Variants in RAB38 observed in about 807,000 individuals in gnomAD.
The protein encoded by RAB38 is ras-related protein Rab-38.
Under a neutral mutation model 18.4 loss-of-function variants are expected in RAB38, and 15 were observed. That is an observed-to-expected ratio of 0.82 (90% CI 0.55 to 1.26). The LOEUF (loss-of-function observed/expected upper bound fraction) is 1.26. Ranked by LOEUF, RAB38 falls within the 50% of genes most tolerant of loss-of-function variation. The pLI is 0.00. For missense variants in RAB38, 294 were observed against 267.4 expected, an observed-to-expected ratio of 1.10 and a Z score of -0.69; for synonymous variants, 101 against 104.4, an observed-to-expected ratio of 0.97 and a Z score of 0.20.
chr11:88,023,727 C>A, the RAB38 span, among the ~76,000 whole-genome samples: 5 of 152,008 alleles, frequency 3.3e-5, no homozygotes, highest in African/African-American at 1.2e-4. Flanking sequence ...ATAGAGAACC[C>A]AGAAACAAAT....
chr11:88,004,328 A>G, the RAB38 span, among the ~76,000 whole-genome samples: 11 of 151,150 alleles, frequency 7.3e-5, no homozygotes, highest in Non-Finnish European at 1.6e-4. Context: ...CAAGTTTGAT[A>G]TAACTTTTGG....
chr11:88,150,313 C>A (rs1179021507), intron 1 of RAB38, among the ~76,000 whole-genome samples: 1 of 152,174 alleles, frequency 6.6e-6, no homozygotes, highest in Admixed American at 6.6e-5. Context: ...AGCTACATTT[C>A]AAGTGTTCAG....
downstream of RAB38, among the ~76,000 whole-genome samples, chr11:88,110,501 TCCC>T (rs1362369966): frequency 6.6e-6 from 1 of 151,918 alleles, no homozygotes; most frequent in Non-Finnish European, 1.5e-5. Context: ...TGCATATGTA[TCCC>T]AGAACCTAAA....
the RAB38 span, among the ~76,000 whole-genome samples, chr11:87,908,578 C>T: frequency 6.6e-6 from 1 of 151,984 alleles, no homozygotes; most frequent in Non-Finnish European, 1.5e-5. Context: ...AGTGGTAGAA[C>T]TTCATTGTTC....
At chr11:87,977,990 ATAAAC>A in the RAB38 span, among the ~76,000 whole-genome samples, 1 of 104,648 alleles carries the variant, frequency 9.6e-6, no homozygotes, top group East Asian at 2.7e-4. Flanking sequence ...TACATATCTT[ATAAAC>A]TATTATTTTA....
the RAB38 span, among the ~76,000 whole-genome samples, chr11:87,887,428 G>A: frequency 7.7e-6 from 1 of 129,218 alleles, no homozygotes; most frequent in East Asian, 2.2e-4. Context: ...CTGGATCTCT[G>A]GTGTGAAGTG....
the RAB38 span, among the ~76,000 whole-genome samples, chr11:87,874,392 A>G: frequency 1.3e-5 from 2 of 151,570 alleles, no homozygotes; most frequent in Admixed American, 1.3e-4. Context: ...CAGTATCAAG[A>G]AAACAAATAA....
At chr11:88,096,818 GA>G in the RAB38 span, among the ~76,000 whole-genome samples, 4 of 151,316 alleles carry the variant, frequency 2.6e-5, no homozygotes, top group Non-Finnish European at 4.4e-5. Context: ...AAAAATAAAA[GA>G]AAAAATATAA....
At chr11:88,020,990 A>G in the RAB38 span, among the ~76,000 whole-genome samples, 1 of 152,130 alleles carries the variant, frequency 6.6e-6, no homozygotes. Context: ...TGCCTACATC[A>G]AAAAAGAGGA....
chr11:87,955,496 A>G, the RAB38 span, among the ~76,000 whole-genome samples: 49 of 152,166 alleles, frequency 3.2e-4, no homozygotes, highest in Non-Finnish European at 6.3e-4. Flanking sequence ...GTACTTCCTG[A>G]ATCTAAAATA....
the RAB38 span, among the ~76,000 whole-genome samples, chr11:88,105,662 C>T: frequency 1.3e-5 from 2 of 152,132 alleles, no homozygotes; most frequent in African/African-American, 4.8e-5. Context: ...CCATTTCCTA[C>T]AAGCCCCTTT....
chr11:88,147,570 TAA>T (rs397938499), intron 2 of RAB38, among the ~76,000 whole-genome samples: 8 of 128,404 alleles, frequency 6.2e-5, no homozygotes, highest in Admixed American at 7.8e-5. Flanking sequence ...ATTTTGGAAT[TAA>T]AAAAAAAAAA....
At chr11:87,941,161 C>T in the RAB38 span, among the ~76,000 whole-genome samples, 1 of 137,162 alleles carries the variant, frequency 7.3e-6, no homozygotes, top group East Asian at 2.2e-4. Flanking sequence ...TACCAACACT[C>T]TTTATCGTAT....
chr11:88,034,975 C>G, the RAB38 span, among the ~76,000 whole-genome samples: 1 of 152,176 alleles, frequency 6.6e-6, no homozygotes, highest in Non-Finnish European at 1.5e-5. Context: ...CATATGAGAG[C>G]TCCTTGACAA....
chr11:88,075,985 G>GAATGA, the RAB38 span, among the ~76,000 whole-genome samples: 5 of 149,486 alleles, frequency 3.3e-5, no homozygotes, highest in African/African-American at 1.2e-4. Context: ...ACAGTAGAAG[G>GAATGA]AATGAAATAG....
the RAB38 span, among the ~76,000 whole-genome samples, chr11:87,862,295 GT>G: frequency 1.3e-5 from 2 of 152,086 alleles, no homozygotes; most frequent in East Asian, 3.9e-4. Flanking sequence ...TAAAGAAAAT[GT>G]GGTACGTATA....
At chr11:88,144,772 G>GT (rs984374882) in intron 2 of RAB38, among the ~76,000 whole-genome samples, 1 of 151,986 alleles carries the variant, frequency 6.6e-6, no homozygotes, top group African/African-American at 2.4e-5. Flanking sequence ...TCTGTCAGGA[G>GT]TAGGACTGGG....
the RAB38 span, among the ~76,000 whole-genome samples, chr11:87,876,202 G>A: frequency 6.6e-6 from 1 of 151,586 alleles, no homozygotes; most frequent in Non-Finnish European, 1.5e-5. Flanking sequence ...AGAATTGAGT[G>A]ATGATCTTAG....
chr11:88,095,007 A>G, the RAB38 span, among the ~76,000 whole-genome samples: 1 of 151,790 alleles, frequency 6.6e-6, no homozygotes, highest in East Asian at 2.0e-4. Flanking sequence ...CCTATGGCCA[A>G]TTCTTCCATT....
Sources: gnomAD v4.1 joint callset for allele counts (sites outside exome capture counted in the v4.1 genomes callset) on GRCh38, gnomAD v4.1.1 for gene constraint, MANE v1.5 for transcripts, NCBI Gene and HGNC (gene_info 2026-07-23, HGNC 2026-07-21) for gene names.